The following SPMIP2 variants were observed in gnomAD, a reference collection of about 807,000 sequenced individuals.
SPMIP2 encodes the protein sperm microtubule inner protein 2.
At chr4:158,900,367 C>T in the SPMIP2 span, among the ~76,000 whole-genome samples, 1 of 152,118 alleles carries the variant, frequency 6.6e-6, no homozygotes, top group Non-Finnish European at 1.5e-5. Context: ...CTGCTTGGTC[C>T]AGAGCTGAGT....
chr4:158,970,363 C>A, the SPMIP2 span, among the ~76,000 whole-genome samples: 1 of 152,020 alleles, frequency 6.6e-6, no homozygotes, highest in South Asian at 2.1e-4. Flanking sequence ...CAACATAGAC[C>A]TTGTCTCTAC....
chr4:159,040,518 T>G, the SPMIP2 span, among the ~76,000 whole-genome samples: 1 of 151,700 alleles, frequency 6.6e-6, no homozygotes, highest in Non-Finnish European at 1.5e-5. Flanking sequence ...CAGGCTGGAG[T>G]GCAGTGGTGG....
At chr4:159,080,787 G>C in the SPMIP2 span, among the ~76,000 whole-genome samples, 1 of 152,000 alleles carries the variant, frequency 6.6e-6, no homozygotes, top group South Asian at 2.1e-4. Flanking sequence ...GCAGTGGCAC[G>C]ATCTCGGCTC....
At chr4:158,930,859 G>T in the SPMIP2 span, among the ~76,000 whole-genome samples, 1 of 152,164 alleles carries the variant, frequency 6.6e-6, no homozygotes, top group African/African-American at 2.4e-5. Flanking sequence ...CTACTCTCCA[G>T]ATTCTCTGTC....
chr4:158,979,505 G>A, the SPMIP2 span, among the ~76,000 whole-genome samples: 3 of 152,202 alleles, frequency 2.0e-5, no homozygotes, highest in Non-Finnish European at 4.4e-5. Flanking sequence ...GGTGATTTCT[G>A]CATTTCCAAC....
the SPMIP2 span, among the ~76,000 whole-genome samples, chr4:159,004,426 G>A: frequency 6.6e-6 from 1 of 150,754 alleles, no homozygotes; most frequent in Non-Finnish European, 1.5e-5. Flanking sequence ...GAGTAGCTGT[G>A]ATTACAGGCC....
At chr4:158,956,906 G>A in the SPMIP2 span, among the ~76,000 whole-genome samples, 2 of 152,006 alleles carry the variant, frequency 1.3e-5, no homozygotes, top group African/African-American at 2.4e-5. Flanking sequence ...AAATGAAATC[G>A]TCTCCTGGCT....
the SPMIP2 span, among the ~76,000 whole-genome samples, chr4:159,073,697 C>T: frequency 3.3e-5 from 5 of 152,132 alleles, no homozygotes; most frequent in African/African-American, 9.7e-5. Context: ...GTCCAAAATA[C>T]GTCCTAAGAA....
the SPMIP2 span, among the ~76,000 whole-genome samples, chr4:158,945,943 T>C: frequency 6.6e-6 from 1 of 152,226 alleles, no homozygotes; most frequent in Admixed American, 6.5e-5. Context: ...TTTGATTTCA[T>C]CACCACAAAT....
At chr4:159,036,199 T>C in the SPMIP2 span, among the ~76,000 whole-genome samples, 1 of 152,326 alleles carries the variant, frequency 6.6e-6, no homozygotes, top group South Asian at 2.1e-4. Flanking sequence ...TTTTGAGAAT[T>C]ATAAGAAAAA....
chr4:159,029,150 T>C, the SPMIP2 span, among the ~76,000 whole-genome samples: 16 of 152,334 alleles, frequency 1.1e-4, no homozygotes, highest in South Asian at 3.3e-3. Flanking sequence ...TTACAGAACT[T>C]AGCAAATTGG....
At chr4:158,967,024 T>C in the SPMIP2 span, among the ~76,000 whole-genome samples, 1 of 152,230 alleles carries the variant, frequency 6.6e-6, no homozygotes, top group Non-Finnish European at 1.5e-5. Flanking sequence ...TTACTCTTTG[T>C]GCAACTGCTT....
chr4:159,077,779 G>C, the SPMIP2 span, among the ~76,000 whole-genome samples: 16 of 152,094 alleles, frequency 1.1e-4, no homozygotes, highest in African/African-American at 3.6e-4. Flanking sequence ...GAAACTCTTA[G>C]GTAACAGAGT....
the SPMIP2 span, among the ~76,000 whole-genome samples, chr4:158,982,287 A>G: frequency 3.9e-5 from 6 of 152,174 alleles, no homozygotes; most frequent in African/African-American, 1.4e-4. Flanking sequence ...AGAGTCTAAC[A>G]CCCCACCATT....
chr4:159,017,098 T>A, the SPMIP2 span, among the ~76,000 whole-genome samples: 4 of 152,090 alleles, frequency 2.6e-5, no homozygotes, highest in African/African-American at 9.7e-5. Context: ...GAGAAAGTAG[T>A]AGTAGAGAAA....
At chr4:158,930,489 T>C in the SPMIP2 span, among the ~76,000 whole-genome samples, 1 of 147,970 alleles carries the variant, frequency 6.8e-6, no homozygotes, top group African/African-American at 2.5e-5. Context: ...ATTACAGGCA[T>C]GAGCCTGTAA....
the SPMIP2 span, among the ~76,000 whole-genome samples, chr4:158,979,791 T>TTG: frequency 1.5e-5 from 1 of 66,350 alleles, no homozygotes; most frequent in Non-Finnish European, 3.4e-5. Context: ...TTGCAAGAGT[T>TTG]TTTTTTTTTT....
At chr4:158,917,290 G>T in the SPMIP2 span, among the ~76,000 whole-genome samples, 1 of 149,296 alleles carries the variant, frequency 6.7e-6, no homozygotes, top group African/African-American at 2.5e-5. Context: ...AGCTGGGTGT[G>T]GTGGTGCACG....
At chr4:158,920,812 C>G in the SPMIP2 span, among the ~76,000 whole-genome samples, 2 of 152,196 alleles carry the variant, frequency 1.3e-5, no homozygotes, top group Non-Finnish European at 2.9e-5. Flanking sequence ...GGCCTGTTCC[C>G]TCAGAAGCAT....
Sources: allele counts gnomAD v4.1 joint callset (sites outside exome capture counted in the v4.1 genomes callset), GRCh38; gene constraint gnomAD v4.1.1; transcripts MANE v1.5; gene names NCBI Gene and HGNC (gene_info 2026-07-23, HGNC 2026-07-21).